CCDC102A: variants seen among roughly 807,000 people sequenced by gnomAD.
CCDC102A encodes coiled-coil domain containing 102A.
CCDC102A carries 40 observed loss-of-function variants against 55.5 expected under a neutral mutation model. That is an observed-to-expected ratio of 0.72 (90% CI 0.56 to 0.94). The LOEUF (loss-of-function observed/expected upper bound fraction) is 0.94. Among genes scored for constraint, CCDC102A ranks in the 40% least tolerant of loss-of-function variants. The pLI is 0.00. For missense variants in CCDC102A, 779 were observed against 768.6 expected (o/e 1.01, Z -0.16); for synonymous variants, 323 against 339.0 (o/e 0.95, Z 0.52).
intron 1 of CCDC102A, among the ~76,000 whole-genome samples, chr16:57,530,903 G>C (rs1005935343): frequency 1.6e-4 from 25 of 151,830 alleles, no homozygotes; most frequent in Non-Finnish European, 3.5e-4. Context: ...CCAGTCCCCT[G>C]TGACGGTGTG....
chr16:57,524,595 A>G lies in CCDC102A; in HGVS notation c.812+1306T>C, dbSNP rs530618940. ...CTGTCTAAAAAAAATATATATATAT[A>G]TAGAGAGAGAGACAGGGTCTTGCTG... On this transcript the variant is annotated intron_variant, in intron 3 of 8. Transcript: ENST00000258214. Among the ~76,000 whole-genome samples the G allele has an allele frequency of 5.4e-5, 8 of 148,796 alleles. No homozygotes were observed. In the East Asian group the frequency reaches 1.4e-3, roughly 25 times the overall value.
chr16:57,528,225 G>A (rs1308393351), intron 2 of CCDC102A, among the ~76,000 whole-genome samples: 1 of 152,224 alleles, frequency 6.6e-6, no homozygotes, highest in African/African-American at 2.4e-5. Context: ...GACCTCCTCT[G>A]TGATCCCAGT....
chr16:57,518,691 C>T lies in CCDC102A; in HGVS notation c.972G>A (p.Glu324=), dbSNP rs545123073. The change falls in exon 5 of 9, where the codon GAG becomes GAA. Residue 324 remains glutamate, a synonymous_variant. Transcript: ENST00000258214. ...AHQDELGRMS[E]DLEDELGARS... ...GTGCACCGAGCTCATCTTCCAGGTC[C>T]TCAGACATGCGGCCCAGCTCGTCCT... 1.9e-6 allele frequency: 3 copies of T among 1,613,330 alleles called. No homozygotes were observed. Among genetic ancestry groups the T allele is most frequent in the Non-Finnish European group, 2.5e-6 (3 of 1,179,742 alleles).
At chr16:57,514,129 G>T (rs139081489) in intron 8 of CCDC102A, among the ~76,000 whole-genome samples, 105 of 152,334 alleles carry the variant, frequency 6.9e-4, no homozygotes, top group Admixed American at 2.1e-3. Flanking sequence ...CTCCGCAGCG[G>T]TAGTAGTAAC....
In CCDC102A at chr16:57,512,356, C is replaced by G. The variant is rs1489018545; in HGVS notation, c.*385G>C. The G allele has an allele frequency of 5.0e-6, 2 of 399,464 alleles. No individual in the cohort carries two copies. The highest frequency in any genetic ancestry group is 8.8e-6 in the Non-Finnish European group (2 of 226,818). The allele number at this position is 399,464 out of a possible 1,614,324, so 24.7% of individuals were successfully genotyped here. ...TGGGTTCACTGCATTGTATGATGAA[C>G]AGCGAAGCCTAGAGAGGCAGCCCAG... On this transcript the variant is annotated 3_prime_UTR_variant, in exon 9 of 9. Transcript: ENST00000258214.
Position 57,516,018 on chromosome 16 carries a change from T to C in CCDC102A, c.1419+275A>G, listed in dbSNP as rs974166204. 5.9e-5 allele frequency among the ~76,000 whole-genome samples: 9 copies of C among 152,174 alleles called. No homozygotes were observed. The South Asian group carries it at 1.2e-3, about 21-fold the overall frequency. ...TCCATCTGCCCGCCCTGCCTCTCTC[T>C]CCCATTCATCCATCCATTCATTCCT... On this transcript the variant is annotated intron_variant, in intron 7 of 8. Coordinates refer to ENST00000258214, the MANE Select transcript of CCDC102A (RefSeq NM_033212.4). The surrounding 1 kb of genome is among the most constrained non-coding windows in gnomAD (Gnocchi z 4.4).
chr16:57,530,331 C>CA, intron 1 of CCDC102A, among the ~76,000 whole-genome samples: 1 of 152,284 alleles, frequency 6.6e-6, no homozygotes, highest in South Asian at 2.1e-4. Flanking sequence ...TCTCTGTCCC[C>CA]AGTCTCCCTC....
At chr16:57,534,325 GGTAGCTCACTCCAGGACA>G (rs2032331282) in intron 1 of CCDC102A, among the ~76,000 whole-genome samples, 1 of 152,164 alleles carries the variant, frequency 6.6e-6, no homozygotes, top group South Asian at 2.1e-4. Context: ...TGTGCTCACT[GGTAGCTCACTCCAGGACA>G]GAAACAAGAA....
chr16:57,527,280 C>G (rs1434343194), intron 2 of CCDC102A, among the ~76,000 whole-genome samples: 1 of 152,206 alleles, frequency 6.6e-6, no homozygotes, highest in Non-Finnish European at 1.5e-5. Context: ...GGTAACAGGC[C>G]TGCTGGCTCA....
chr16:57,530,535 G>T (rs2032237439), intron 1 of CCDC102A, among the ~76,000 whole-genome samples: 1 of 152,084 alleles, frequency 6.6e-6, no homozygotes, highest in Non-Finnish European at 1.5e-5. Flanking sequence ...AGCCCTCTAT[G>T]TCCCCTCTCC....
chr16:57,520,183 T>G (rs1478425936), intron 4 of CCDC102A, among the ~76,000 whole-genome samples: 2 of 152,224 alleles, frequency 1.3e-5, no homozygotes, highest in African/African-American at 4.8e-5. Context: ...GGCCCCCTCC[T>G]GCGGCCTCGC....
chr16:57,524,641 A>G (rs2032105403), intron 3 of CCDC102A, among the ~76,000 whole-genome samples: 1 of 152,140 alleles, frequency 6.6e-6, no homozygotes, highest in Non-Finnish European at 1.5e-5. Flanking sequence ...GTTGGCCACA[A>G]GCAATCCTCT....
chr16:57,512,695 C>G lies in CCDC102A; in HGVS notation c.*46G>C, dbSNP rs766852051. On this transcript the variant is annotated 3_prime_UTR_variant, in exon 9 of 9. Coordinates refer to ENST00000258214, the MANE Select transcript of CCDC102A (RefSeq NM_033212.4). ...GTTTGAGTGGCTGGTTAGCCTGGACCCTGGGCAGGTATGGGGCGGCCCATC... is the reference window on the plus strand; with the variant it reads ...GTTTGAGTGGCTGGTTAGCCTGGACGCTGGGCAGGTATGGGGCGGCCCATC... 1.9e-6 allele frequency: 3 copies of G among 1,584,940 alleles called. No individual in the cohort carries two copies. The East Asian group carries it at 6.8e-5, about 36-fold the overall frequency.
Position 57,516,392 on chromosome 16 carries a change from T to G in CCDC102A, c.1320A>C (p.Ala440=). Residue 440 remains alanine (A), a synonymous_variant, in exon 7 of 9, where the codon GCA becomes GCC. Transcript: ENST00000258214. This position sits in a 1 kb window ranked among gnomAD's most constrained non-coding sequence, Gnocchi z 4.4. ...GCTGCTCCACCCGCCGGTTGGCATGTGCCAGCTCTGCCACCTTCTCCTGGA... is the reference window on the plus strand; with the variant it reads ...GCTGCTCCACCCGCCGGTTGGCATGGGCCAGCTCTGCCACCTTCTCCTGGA... ...KQFQEKVAEL[A]HANRRVEQHE... is the part of the protein sequence containing the mutation. The G allele has an allele frequency of 6.2e-7, 1 of 1,609,816 alleles. No homozygotes were observed. The highest frequency in any genetic ancestry group is 1.1e-5 in the South Asian group (1 of 91,058).
Position 57,516,865 on chromosome 16 carries a change from C to T in CCDC102A, c.1249-402G>A, listed in dbSNP as rs527864462. 2.6e-5 allele frequency among the ~76,000 whole-genome samples: 4 copies of T among 152,240 alleles called. No individual in the cohort carries two copies. In the South Asian group the frequency reaches 6.2e-4, roughly 24 times the overall value. On this transcript the variant is annotated intron_variant, in intron 6 of 8. Coordinates refer to ENST00000258214, the MANE Select transcript of CCDC102A (RefSeq NM_033212.4). The surrounding 1 kb of genome is among the most constrained non-coding windows in gnomAD (Gnocchi z 4.4). ...GGGAATGGGTGGGTGTCTCAGAGCCCAGAGTGGCTGGGAAGAGGAAGGGCA... is the reference window on the plus strand; with the variant it reads ...GGGAATGGGTGGGTGTCTCAGAGCCTAGAGTGGCTGGGAAGAGGAAGGGCA...
In CCDC102A at chr16:57,529,299, AC is replaced by A; in HGVS notation, c.-123del. On this transcript the variant is annotated 5_prime_UTR_variant, in exon 2 of 9. Coordinates refer to ENST00000258214, the MANE Select transcript of CCDC102A (RefSeq NM_033212.4). This position sits in a 1 kb window ranked among gnomAD's most constrained non-coding sequence, Gnocchi z 4.1. ...GCCGTGCCCCGCTTCCCTCTGGGCC[AC>A]CGGGCGGAGGACGCCTCCTCGGACC... is the stretch of plus-strand genomic sequence containing the variant. 1 of 1,117,336 alleles carries A rather than the reference AC, an allele frequency of 8.9e-7. No individual in the cohort carries two copies. The highest frequency in any genetic ancestry group is 1.1e-6 in the Non-Finnish European group (1 of 913,012). The allele number at this position is 1,117,336 out of a possible 1,614,324, so 69.2% of individuals were successfully genotyped here. A position where few individuals can be genotyped will look rare whatever the true frequency, so the allele number is the denominator to read the frequency against.
At position 57,516,612 on chromosome 16, in the gene CCDC102A, G is replaced by T; in HGVS notation, c.1249-149C>A. The T allele has an allele frequency of 1.4e-6, 1 of 697,598 alleles. No homozygotes were observed. The highest frequency in any genetic ancestry group is 2.4e-6 in the Non-Finnish European group (1 of 410,484). The allele number at this position is 697,598 out of a possible 1,614,324, so 43.2% of individuals were successfully genotyped here. On this transcript the variant is annotated intron_variant, in intron 6 of 8. Transcript: ENST00000258214. The surrounding 1 kb of genome is among the most constrained non-coding windows in gnomAD (Gnocchi z 4.4). ...TCTCCATCTGTTGTCTGAAGTATCAGCAGTAGAGGTTTGGCTGAGCAGCCA... is the reference window on the plus strand; with the variant it reads ...TCTCCATCTGTTGTCTGAAGTATCATCAGTAGAGGTTTGGCTGAGCAGCCA...
At chr16:57,527,846 A>G (rs1233556785) in intron 2 of CCDC102A, among the ~76,000 whole-genome samples, 1 of 152,216 alleles carries the variant, frequency 6.6e-6, no homozygotes, top group East Asian at 1.9e-4. Context: ...CCAGTGAATG[A>G]CGGCCGTTGC....
intron 6 of CCDC102A, 59 bp downstream of exon 6, chr16:57,518,009 G>A (rs574109674): frequency 2.5e-5 from 38 of 1,513,426 alleles, no homozygotes; most frequent in African/African-American, 2.8e-5. Flanking sequence ...GGGAAGCTGC[G>A]CTCTGGCTGG....
Sources: allele counts gnomAD v4.1 joint callset (sites outside exome capture counted in the v4.1 genomes callset), GRCh38; gene constraint gnomAD v4.1.1; non-coding constraint Gnocchi (gnomAD v3.1); transcripts MANE v1.5; gene names NCBI Gene and HGNC (gene_info 2026-07-23, HGNC 2026-07-21).